The following DNAJB12 variants were observed in gnomAD, a reference collection of about 807,000 sequenced individuals.
DNAJB12 encodes the protein DnaJ heat shock protein family (Hsp40) member B12.
DNAJB12 carries 14 observed loss-of-function variants against 40.6 expected under a neutral mutation model. The ratio of observed to expected loss-of-function variants is 0.34; its 90% CI spans 0.23 to 0.54. The LOEUF (loss-of-function observed/expected upper bound fraction) is 0.54, where lower values mean the gene tolerates loss of function less well. Ranked by LOEUF, DNAJB12 falls within the 20% of genes least tolerant of loss-of-function variation. The probability of loss-of-function intolerance (pLI) is 0.92; values close to 1 mark genes in which losing one functional copy is unlikely to be tolerated. For synonymous variants in DNAJB12, 181 were observed against 199.5 expected (o/e 0.91, Z 0.78); for missense variants, 444 against 501.7 (o/e 0.89, Z 1.10).
At chr10:72,340,509 C>G (rs1388267597) in intron 5 of DNAJB12, among the ~76,000 whole-genome samples, 2 of 152,262 alleles carry the variant, frequency 1.3e-5, no homozygotes, top group African/African-American at 2.4e-5. Flanking sequence ...GCCTCACACT[C>G]AAACCTGGCT....
intron 1 of DNAJB12, among the ~76,000 whole-genome samples, chr10:72,351,479 G>A (rs1278396276): frequency 6.6e-6 from 1 of 152,150 alleles, no homozygotes; most frequent in Non-Finnish European, 1.5e-5. Context: ...ACCATCCTCT[G>A]CCCATGCTCT....
intron 7 of DNAJB12, 107 bp from the exon 8 acceptor site, chr10:72,336,038 G>T (rs2131977768): frequency 7.0e-7 from 1 of 1,428,886 alleles, no homozygotes; most frequent in Middle Eastern, 1.9e-4. Context: ...CATGCCCGGG[G>T]CTTGGGCAGG....
At chr10:72,344,018 G>C (rs113372842) in intron 2 of DNAJB12, among the ~76,000 whole-genome samples, 11,388 of 152,152 alleles carry the variant, frequency 0.075, 877 homozygotes, top group African/African-American at 0.2. Context: ...GCCCCCCAAA[G>C]TGCTAGGATG....
intron 3 of DNAJB12, among the ~76,000 whole-genome samples, chr10:72,341,574 G>A (rs950199153): frequency 7.2e-5 from 11 of 152,122 alleles, no homozygotes; most frequent in Non-Finnish European, 7.4e-5. Context: ...TTGCTCAAGC[G>A]ATCCTCCCAC....
chr10:72,345,561 C>T (rs1193227952), intron 1 of DNAJB12, among the ~76,000 whole-genome samples: 1 of 116,452 alleles, frequency 8.6e-6, no homozygotes, highest in Non-Finnish European at 1.7e-5. Flanking sequence ...CAGAGTGAGA[C>T]CCTGTCTCAA....
At chr10:72,334,841 CA>C in intron 8 of DNAJB12, 1 of 1,347,968 alleles carries the variant, frequency 7.4e-7, no homozygotes, top group Non-Finnish European at 9.5e-7. Flanking sequence ...AGGACACAGG[CA>C]AAGGAGGGGG....
Position 72,341,056 on chromosome 10 carries a change from T to C in DNAJB12, c.572A>G (p.His191Arg), listed in dbSNP as rs1176741445. 6.2e-7 allele frequency: 1 copy of C among 1,614,080 alleles called. No homozygotes were observed. The highest frequency in any genetic ancestry group is 1.1e-5 in the South Asian group (1 of 91,068). The change falls in exon 4 of 9, where the codon CAC (histidine) becomes CGC (arginine). Residue 191 changes from histidine (H) to arginine (R), a missense_variant. Coordinates refer to ENST00000444643, the MANE Select transcript of DNAJB12 (RefSeq NM_017626.7). ...GGAGATGTCGGCCTCAAAGCCACGG[T>C]GGAAATCCCCATGCCCATGGCCGTG... is the stretch of plus-strand genomic sequence containing the variant. Reference protein sequence around the residue: ...ARHGHGHGDFHRGFEADISPE... With the variant: ...ARHGHGHGDFRRGFEADISPE...
intron 2 of DNAJB12, among the ~76,000 whole-genome samples, chr10:72,343,771 G>A (rs1460245180): frequency 1.3e-5 from 2 of 152,230 alleles, no homozygotes; most frequent in African/African-American, 4.8e-5. Context: ...GCATCTGTGG[G>A]GTTCGCCAGG....
At chr10:72,343,007 C>T (rs1316088355) in intron 3 of DNAJB12, among the ~76,000 whole-genome samples, 3 of 152,210 alleles carry the variant, frequency 2.0e-5, no homozygotes, top group African/African-American at 4.8e-5. Context: ...AAACAGTTAC[C>T]CCAGTGGGCA....
rs1012872514 is a variant in DNAJB12, at chr10:72,338,202, G to A, written c.833C>T (p.Pro278Leu). 8 of 1,613,620 alleles carry A rather than the reference G, an allele frequency of 5.0e-6. No homozygotes were observed. Among genetic ancestry groups the A allele is most frequent in the African/African-American group, 2.7e-5 (2 of 75,008 alleles). ...SSPPYSLSPR[P>L]SVGHIHRRVT... The stretch of plus-strand genomic sequence containing the variant: ...GGCCCGGCCTCACCCATGTACTCAC[G>A]GTCTTGGACTCAGACTGTAGGGTGG... Residue 278 changes from proline (P) to leucine (L), a missense_variant and splice_region_variant, in exon 6 of 9, where the codon CCG becomes CTG. By Grantham distance (98) the Pro-to-Leu change is moderately conservative (BLOSUM62 -3). Coordinates refer to ENST00000444643, the MANE Select transcript of DNAJB12 (RefSeq NM_017626.7).
chr10:72,352,667 T>G (rs565575754), intron 1 of DNAJB12, among the ~76,000 whole-genome samples: 1 of 152,274 alleles, frequency 6.6e-6, no homozygotes, highest in South Asian at 2.1e-4. Context: ...TAATTACAGT[T>G]CTGTCTTGTA....
At chr10:72,353,053 T>C (rs534160238) in intron 1 of DNAJB12, among the ~76,000 whole-genome samples, 147 of 152,358 alleles carry the variant, frequency 9.6e-4, no homozygotes, top group Middle Eastern at 3.4e-3. Flanking sequence ...TATAGTCTCA[T>C]AGTCTTTCCA....
chr10:72,342,705 G>A (rs867524095), intron 3 of DNAJB12, among the ~76,000 whole-genome samples: 3 of 152,374 alleles, frequency 2.0e-5, no homozygotes, highest in Middle Eastern at 3.4e-3. Flanking sequence ...TGGTGGGAAT[G>A]AGAGAAGGCA....
In DNAJB12 at chr10:72,336,508, T is replaced by G. The variant is rs575328952; in HGVS notation, c.1006+16A>C. On this transcript the variant is annotated intron_variant, in intron 7 of 8. Transcript: ENST00000444643. ...CCACCTCCCAAATACAGCCCCCGCC[T>G]TCCCCCCACACTCACTCTGCTGCTT... The G allele has an allele frequency of 2.5e-6, 4 of 1,611,084 alleles. No homozygotes were observed. Among genetic ancestry groups the G allele is most frequent in the East Asian group, 2.2e-5 (1 of 44,832 alleles).
At chr10:72,342,413 G>A (rs548152818) in intron 3 of DNAJB12, among the ~76,000 whole-genome samples, 94 of 152,360 alleles carry the variant, frequency 6.2e-4, no homozygotes, top group African/African-American at 2.2e-3. Context: ...TAGGCCTCAA[G>A]GCCAGAGCTG....
chr10:72,352,591 T>A (rs2132009532), intron 1 of DNAJB12, among the ~76,000 whole-genome samples: 1 of 152,330 alleles, frequency 6.6e-6, no homozygotes, highest in Admixed American at 6.5e-5. Flanking sequence ...CCATGGATGA[T>A]GGGGCCTGAT....
Position 72,336,650 on chromosome 10 carries a change from C to T in DNAJB12, c.880G>A (p.Val294Ile), listed in dbSNP as rs139677749. ...GAGAAAGTGTCTCCCACATAGTAGA[C>T]GACACCCAGGTGGTCAGTGACTCGC... ...HRRVTDHLGV[V>I]YYVGDTFSEE... Residue 294 changes from valine to isoleucine, a missense_variant, in exon 7 of 9, where the codon GTC becomes ATC. Coordinates refer to ENST00000444643, the MANE Select transcript of DNAJB12 (RefSeq NM_017626.7). The T allele has an allele frequency of 5.9e-5, 96 of 1,614,118 alleles. No individual in the cohort carries two copies. The highest frequency in any genetic ancestry group is 4.9e-4 in the Middle Eastern group (3 of 6,062).
intron 3 of DNAJB12, 66 bp from the exon 4 acceptor site, chr10:72,341,236 C>G: frequency 6.7e-7 from 1 of 1,481,558 alleles, no homozygotes; most frequent in East Asian, 2.3e-5. Flanking sequence ...CCCATGGCAG[C>G]CGAGTGCTCA....
intron 1 of DNAJB12, among the ~76,000 whole-genome samples, chr10:72,350,237 G>A (rs923600149): frequency 6.6e-6 from 1 of 151,456 alleles, no homozygotes; most frequent in African/African-American, 2.4e-5. Context: ...CTGTCTCTAC[G>A]AAAATAAAAA....
Sources: allele counts gnomAD v4.1 joint callset (sites outside exome capture counted in the v4.1 genomes callset), GRCh38; gene constraint gnomAD v4.1.1; transcripts MANE v1.5; gene names NCBI Gene and HGNC (gene_info 2026-07-23, HGNC 2026-07-21).